AAK1: variants seen among roughly 807,000 people sequenced by gnomAD.
AAK1 encodes AP2 associated kinase 1, also known as AP2-associated protein kinase 1.
Under a neutral mutation model 116.0 loss-of-function variants are expected in AAK1, and 37 were observed. That is an observed-to-expected ratio of 0.32 (90% CI 0.25 to 0.42). AAK1 has a LOEUF of 0.42. Ranked by LOEUF, AAK1 falls within the 10% of genes least tolerant of loss-of-function variation. The probability of loss-of-function intolerance (pLI) is 1.00; values close to 1 mark genes in which losing one functional copy is unlikely to be tolerated. For missense variants in AAK1, 919 were observed against 1,170.6 expected, an observed-to-expected ratio of 0.79 and a Z score of 3.14; for synonymous variants, 458 against 439.9, an observed-to-expected ratio of 1.04 and a Z score of -0.51.
intron 4 of AAK1, 84 bp downstream of exon 4, chr2:69,544,352 C>T (rs3771544): frequency 0.44 from 447,540 of 1,018,148 alleles, 105,315 homozygotes; most frequent in East Asian, 0.78. Context: ...GAGTGCAGTG[C>T]ACATTAAGTG....
chr2:69,460,679 G>A lies in AAK1; in HGVS notation c.*15190C>T. The A allele has an allele frequency of 6.6e-6, 1 of 152,210 alleles. No individual in the cohort carries two copies. Among genetic ancestry groups the A allele is most frequent in the East Asian group, 1.9e-4 (1 of 5,196 alleles). The allele number at this position is 152,210 out of a possible 1,614,324, so 9.4% of individuals were successfully genotyped here. A position where few individuals can be genotyped will look rare whatever the true frequency, so the allele number is the denominator to read the frequency against. ...GGGCCGAAAACAATATAGGGCGTAT[G>A]ACCTAGACTCCCTGGGTGCTGCTCA... is the stretch of plus-strand genomic sequence containing the variant. On this transcript the variant is annotated 3_prime_UTR_variant, in exon 22 of 22. Coordinates refer to ENST00000409085, the MANE Select transcript of AAK1 (RefSeq NM_014911.5).
intron 2 of AAK1, among the ~76,000 whole-genome samples, chr2:69,617,868 A>G (rs1054436950): frequency 1.3e-5 from 2 of 152,146 alleles, no homozygotes; most frequent in Admixed American, 1.3e-4. Flanking sequence ...CAAGGAATAA[A>G]CCATTTCCAA....
Position 69,505,752 on chromosome 2 carries a change from T to C in AAK1, c.2165-79A>G, listed in dbSNP as rs920764420. On this transcript the variant is annotated intron_variant, in intron 15 of 21. Transcript: ENST00000409085. ...CACACATGGCAGAGGTAAGGGGCAT[T>C]CTCTGAACTGACTTCTGGACTTGAC... The C allele has an allele frequency of 4.7e-6, 5 of 1,071,184 alleles. No homozygotes were observed. The African/African-American group carries it at 4.7e-5, about 10-fold the overall frequency. 66.4% of individuals were successfully genotyped at this position (1,071,184 alleles called of 1,614,324 possible).
At chr2:69,564,018 C>T (rs191835644) in intron 2 of AAK1, among the ~76,000 whole-genome samples, 1 of 151,910 alleles carries the variant, frequency 6.6e-6, no homozygotes, top group Non-Finnish European at 1.5e-5. Context: ...ATGGTGAAAC[C>T]CTGTCTCTAC....
intron 2 of AAK1, among the ~76,000 whole-genome samples, chr2:69,630,774 A>AG (rs1675141098): frequency 6.6e-6 from 1 of 152,074 alleles, no homozygotes; most frequent in African/African-American, 2.4e-5. Context: ...CCTTTATTCC[A>AG]GGGGGGAAGG....
Position 69,507,575 on chromosome 2 carries a change from A to C in AAK1, c.2010T>G (p.Ser670=), listed in dbSNP as rs1676233203. The C allele has an allele frequency of 6.2e-7, 1 of 1,606,370 alleles. No homozygotes were observed. Residue 670 remains serine (S), a synonymous_variant, in exon 15 of 22, where the codon TCT becomes TCG. Transcript: ENST00000409085. ...AAEASLNKSK[S]ATTTPSGSPR... is the part of the protein sequence containing the mutation. ...GAGAGCCTGATGGAGTGGTGGTTGC[A>C]GACCTAGGTAGGTTCCCACCCCCAC...
intron 2 of AAK1, among the ~76,000 whole-genome samples, chr2:69,566,535 T>C (rs927095480): frequency 2.0e-5 from 3 of 152,088 alleles, no homozygotes; most frequent in African/African-American, 4.8e-5. Flanking sequence ...GTGGTGGTTG[T>C]GGAGGTGGTA....
At chr2:69,571,085 T>G (rs1044672534) in intron 2 of AAK1, among the ~76,000 whole-genome samples, 1 of 152,228 alleles carries the variant, frequency 6.6e-6, no homozygotes, top group African/African-American at 2.4e-5. Context: ...GCTAGGACTA[T>G]ATTCTCTCAC....
intron 2 of AAK1, among the ~76,000 whole-genome samples, chr2:69,587,426 T>C (rs554328620): frequency 4.1e-4 from 62 of 151,044 alleles, no homozygotes; most frequent in African/African-American, 1.1e-3. Flanking sequence ...TATATACACA[T>C]ATATATACAT....
intron 12 of AAK1, among the ~76,000 whole-genome samples, chr2:69,517,306 C>G (rs1558927777): frequency 6.6e-6 from 1 of 152,048 alleles, no homozygotes; most frequent in Non-Finnish European, 1.5e-5. Context: ...GGAAAACGTC[C>G]AGCCCTCAAA....
At chr2:69,536,211 A>G (rs1037724884) in intron 5 of AAK1, among the ~76,000 whole-genome samples, 1 of 152,194 alleles carries the variant, frequency 6.6e-6, no homozygotes, top group African/African-American at 2.4e-5. Flanking sequence ...GCGAGGAAGG[A>G]GGAAGGAGAA....
chr2:69,504,700 G>A (rs1676112263), intron 16 of AAK1, among the ~76,000 whole-genome samples: 1 of 152,022 alleles, frequency 6.6e-6, no homozygotes, highest in Non-Finnish European at 1.5e-5. Flanking sequence ...CCAGGAGGCG[G>A]CGGTTGCAGT....
intron 19 of AAK1, 31 bp from the exon 20 acceptor site, chr2:69,479,092 G>C (rs1273399729): frequency 4.1e-6 from 6 of 1,446,210 alleles, no homozygotes; most frequent in African/African-American, 1.4e-5. Context: ...TCCCAGGTCA[G>C]TGATGGCATT....
rs1674548456 is a variant in AAK1 at position 69,468,097 on chromosome 2, T to C, written c.*7772A>G. 2 of 985,266 alleles carry C rather than the reference T, an allele frequency of 2.0e-6. No homozygotes were observed. The highest frequency in any genetic ancestry group is 9.4e-5 in the South Asian group (2 of 21,290). 61.0% of individuals were successfully genotyped at this position (985,266 alleles called of 1,614,324 possible). ...TGGTGCCAAATGGCTTTCAGAATAG[T>C]ATTTGAAGAATAAGATTTTGAAAAG... On this transcript the variant is annotated 3_prime_UTR_variant, in exon 22 of 22. Coordinates refer to ENST00000409085, the MANE Select transcript of AAK1 (RefSeq NM_014911.5).
rs375572701 is a variant in AAK1 at position 69,498,773 on chromosome 2, G to A, written c.2270-2693C>T. On this transcript the variant is annotated intron_variant, in intron 16 of 21. Transcript: ENST00000409085. ...TTACATCCTGGCTTCAAAGACATAC[G>A]GCACCTGCTTTCACTCCAGAGGCCC... Among the ~76,000 whole-genome samples, 16 of 152,294 alleles carry A rather than the reference G, an allele frequency of 1.1e-4. No individual in the cohort carries two copies. In the South Asian group the frequency reaches 2.7e-3, roughly 26 times the overall value.
At chr2:69,510,066 G>A (rs960174778) in intron 13 of AAK1, among the ~76,000 whole-genome samples, 1 of 152,112 alleles carries the variant, frequency 6.6e-6, no homozygotes, top group African/African-American at 2.4e-5. Context: ...AGGTTCGGGG[G>A]TACATGTGCA....
chr2:69,609,362 C>T (rs1430448467), intron 2 of AAK1, among the ~76,000 whole-genome samples: 2 of 148,040 alleles, frequency 1.4e-5, no homozygotes, highest in Non-Finnish European at 3.0e-5. Flanking sequence ...GACCCTATCT[C>T]AAAACAAAAA....
chr2:69,610,278 T>C (rs993272099), intron 2 of AAK1, among the ~76,000 whole-genome samples: 1 of 151,992 alleles, frequency 6.6e-6, no homozygotes, highest in East Asian at 1.9e-4. Context: ...CTTCAACAAA[T>C]GGAACTGGGA....
chr2:69,487,529 A>G (rs890029262), intron 17 of AAK1, among the ~76,000 whole-genome samples: 1 of 152,152 alleles, frequency 6.6e-6, no homozygotes, highest in Non-Finnish European at 1.5e-5. Flanking sequence ...TTTTTTCACC[A>G]TGAGTTATGA....
Sources: gnomAD v4.1 joint callset for allele counts (sites outside exome capture counted in the v4.1 genomes callset) on GRCh38, gnomAD v4.1.1 for gene constraint, MANE v1.5 for transcripts, NCBI Gene and HGNC (gene_info 2026-07-23, HGNC 2026-07-21) for gene names.